Variants in ARSG observed in about 807,000 individuals in gnomAD.
The protein encoded by ARSG is arylsulfatase G, also known as ASG.
Under a neutral mutation model 50.5 loss-of-function variants are expected in ARSG, and 37 were observed. The observed-to-expected ratio is 0.73, with a 90% CI of 0.56 to 0.96. The LOEUF is 0.96. ARSG is among the 50% of genes least tolerant of loss of function. ARSG has a pLI of 0.00. For synonymous variants in ARSG, 225 were observed against 254.6 expected (o/e 0.88, Z 1.11); for missense variants, 629 against 675.3 (o/e 0.93, Z 0.76).
At chr17:68,350,567 C>T (rs757883389) in intron 4 of ARSG, among the ~76,000 whole-genome samples, 36 of 151,906 alleles carry the variant, frequency 2.4e-4, no homozygotes, top group Non-Finnish European at 4.6e-4. Flanking sequence ...GGGTGTATCA[C>T]GAGGTCAGGA....
intron 3 of ARSG, among the ~76,000 whole-genome samples, chr17:68,345,606 T>G (rs923641539): frequency 3.9e-5 from 6 of 152,164 alleles, no homozygotes; most frequent in African/African-American, 1.4e-4. Flanking sequence ...TTAGGAAAAA[T>G]TAAAGACCCA....
At chr17:68,345,498 C>T (rs1568495443) in intron 3 of ARSG, among the ~76,000 whole-genome samples, 1 of 152,192 alleles carries the variant, frequency 6.6e-6, no homozygotes, top group Admixed American at 6.5e-5. Flanking sequence ...TGTTTAGCTG[C>T]ATTCCTCACC....
In ARSG at chr17:68,420,555, T is replaced by C; in HGVS notation, c.*92T>C. 1 of 1,409,166 alleles carries C rather than the reference T, an allele frequency of 7.1e-7. No homozygotes were observed. The highest frequency in any genetic ancestry group is 9.8e-7 in the Non-Finnish European group (1 of 1,019,104). 87.3% of individuals were successfully genotyped at this position (1,409,166 alleles called of 1,614,324 possible). On this transcript the variant is annotated 3_prime_UTR_variant, in exon 12 of 12. Coordinates refer to ENST00000621439, the MANE Select transcript of ARSG (RefSeq NM_001267727.2). ...TTTTACCCTCTTTACAAACACACGC[T>C]TTAGTTTAGTCTTGGAGTTTAGTTT...
rs180747945 is a variant in ARSG, at chr17:68,406,602, G to C, written c.1303+5152G>C. 3.7e-4 allele frequency among the ~76,000 whole-genome samples: 57 copies of C among 152,246 alleles called. 1 individual carries two copies. Among genetic ancestry groups the C allele is most frequent in the Non-Finnish European group, 5.7e-4 (39 of 68,020 alleles). On this transcript the variant is annotated intron_variant, in intron 11 of 11. Coordinates refer to ENST00000621439, the MANE Select transcript of ARSG (RefSeq NM_001267727.2). Reference sequence around the variant, plus strand: ...TGCAGGAATGAGGTGGTATCATATTGTGGTTTTGATTTGCATTTCTCTGAT... The same window carrying C: ...TGCAGGAATGAGGTGGTATCATATTCTGGTTTTGATTTGCATTTCTCTGAT...
intron 10 of ARSG, among the ~76,000 whole-genome samples, chr17:68,397,109 G>A (rs563445881): frequency 1.1e-4 from 17 of 152,278 alleles, no homozygotes; most frequent in East Asian, 5.8e-4. Context: ...TTTCTCAGAC[G>A]GGAGAGCTCT....
chr17:68,451,687 G>A, the ARSG span, among the ~76,000 whole-genome samples: 1 of 152,128 alleles, frequency 6.6e-6, no homozygotes, highest in Non-Finnish European at 1.5e-5. Context: ...TGCCAATATG[G>A]GAGGGGACAG....
chr17:68,448,188 G>C, the ARSG span: 2 of 152,196 alleles, frequency 1.3e-5, no homozygotes, highest in Non-Finnish European at 2.9e-5. Context: ...AGTCCTCCCG[G>C]ACACCACAGA....
At chr17:68,388,795 C>G (rs941996815) in intron 9 of ARSG, among the ~76,000 whole-genome samples, 2 of 151,810 alleles carry the variant, frequency 1.3e-5, no homozygotes, top group Non-Finnish European at 2.9e-5. Context: ...CGTGGTGGCG[C>G]GTGCCTGTAA....
intron 6 of ARSG, among the ~76,000 whole-genome samples, chr17:68,362,474 CA>C (rs1469079636): frequency 6.6e-6 from 1 of 152,130 alleles, no homozygotes; most frequent in Admixed American, 6.6e-5. Flanking sequence ...CTCCAGGTCC[CA>C]CTGTCTCAGG....
downstream of ARSG, among the ~76,000 whole-genome samples, chr17:68,424,911 C>T (rs538777921): frequency 1.3e-5 from 2 of 152,298 alleles, no homozygotes; most frequent in African/African-American, 2.4e-5. Context: ...ACTTCCATCT[C>T]GAAATGATTT....
At chr17:68,357,680 C>A (rs2079094090) in intron 6 of ARSG, among the ~76,000 whole-genome samples, 1 of 152,132 alleles carries the variant, frequency 6.6e-6, no homozygotes, top group Non-Finnish European at 1.5e-5. Flanking sequence ...AGATAGGTAA[C>A]CTTAAAGAGG....
chr17:68,379,668 A>G (rs1027250847), intron 8 of ARSG, among the ~76,000 whole-genome samples: 2 of 152,126 alleles, frequency 1.3e-5, no homozygotes, highest in African/African-American at 4.8e-5. Flanking sequence ...TTTGTGGGCC[A>G]GGCAGGTGAT....
intron 2 of ARSG, among the ~76,000 whole-genome samples, chr17:68,321,448 A>G (rs544759049): frequency 6.6e-6 from 1 of 152,110 alleles, no homozygotes. Context: ...CCATCTCCCA[A>G]CCCTGTCCCT....
intron 2 of ARSG, among the ~76,000 whole-genome samples, chr17:68,342,327 C>CATAT (rs1040040944): frequency 3.4e-5 from 5 of 148,472 alleles, no homozygotes; most frequent in African/African-American, 1.2e-4. Context: ...ATTTTATGTA[C>CATAT]ATATATATAT....
chr17:68,272,161 C>CA (rs1462165003), intron 1 of ARSG, among the ~76,000 whole-genome samples: 1 of 152,152 alleles, frequency 6.6e-6, no homozygotes, highest in African/African-American at 2.4e-5. Context: ...TGGTCTCGAT[C>CA]ACCTGACCTC....
At chr17:68,427,812 G>A in the ARSG span, among the ~76,000 whole-genome samples, 8 of 152,334 alleles carry the variant, frequency 5.3e-5, no homozygotes, top group East Asian at 1.5e-3. Context: ...GTGGGGGGCG[G>A]TGGCAGCTCT....
At chr17:68,346,307 T>G (rs1380318683) in intron 3 of ARSG, among the ~76,000 whole-genome samples, 3 of 152,324 alleles carry the variant, frequency 2.0e-5, no homozygotes, top group Non-Finnish European at 2.9e-5. Context: ...TTTTGCTACA[T>G]GCAGTTGTCT....
chr17:68,330,988 G>A (rs1032936204), intron 2 of ARSG, among the ~76,000 whole-genome samples: 4 of 144,490 alleles, frequency 2.8e-5, no homozygotes, highest in African/African-American at 1.0e-4. Context: ...CGGGGGGGGG[G>A]GGAGGTGGTG....
At chr17:68,363,246 T>TG (rs1174261289) in intron 6 of ARSG, among the ~76,000 whole-genome samples, 16 of 152,226 alleles carry the variant, frequency 1.1e-4, no homozygotes, top group African/African-American at 3.6e-4. Context: ...TTAAGTGTTT[T>TG]GGGGCAAGAT....
Sources: gnomAD v4.1 joint callset for allele counts (sites outside exome capture counted in the v4.1 genomes callset) on GRCh38, gnomAD v4.1.1 for gene constraint, MANE v1.5 for transcripts, NCBI Gene and HGNC (gene_info 2026-07-23, HGNC 2026-07-21) for gene names.